The following LMF1 variants were observed in gnomAD, a reference collection of about 807,000 sequenced individuals.
The protein encoded by LMF1 is transmembrane protein 112.
Under a neutral mutation model 60.6 loss-of-function variants are expected in LMF1, and 68 were observed. The observed-to-expected ratio is 1.12, with a 90% CI of 0.92 to 1.37. The LOEUF is 1.37. Ranked by LOEUF, LMF1 falls within the 40% of genes most tolerant of loss-of-function variation. The probability of loss-of-function intolerance (pLI) is 0.00; values close to 1 mark genes in which losing one functional copy is unlikely to be tolerated. For synonymous variants in LMF1, 418 were observed against 324.7 expected, an observed-to-expected ratio of 1.29 and a Z score of -3.09; for missense variants, 948 against 767.2, an observed-to-expected ratio of 1.24 and a Z score of -2.78.
At chr16:923,971 C>T (rs1450296141) in intron 3 of LMF1, among the ~76,000 whole-genome samples, 3 of 152,122 alleles carry the variant, frequency 2.0e-5, no homozygotes, top group Admixed American at 6.5e-5. Context: ...AGATGAAAAA[C>T]GAAGCCAATC....
chr16:911,534 G>T (rs906766462), intron 3 of LMF1, among the ~76,000 whole-genome samples: 2 of 109,584 alleles, frequency 1.8e-5, no homozygotes, highest in African/African-American at 4.1e-5. Flanking sequence ...AGGCAGCACT[G>T]GGGGGGCAGC....
chr16:911,010 C>G lies in LMF1; in HGVS notation c.584G>C (p.Arg195Thr). Residue 195 changes from arginine (R) to threonine (T), a missense_variant, in exon 4 of 11, where the codon AGG becomes ACG. Physicochemically the swap from Arg to Thr is moderately conservative, Grantham distance 71. Coordinates refer to ENST00000262301, the MANE Select transcript of LMF1 (RefSeq NM_022773.4). The stretch of plus-strand genomic sequence containing the variant: ...GGATGTGGGGGTATGCTGGGGCAGC[C>G]TTGACAGCGTCCACAGAGGGCACAG... ...IFLCPLWTLS[R>T]LPQHTPTSRI... 1 of 1,613,094 alleles carries G rather than the reference C, an allele frequency of 6.2e-7. No individual in the cohort carries two copies. Among genetic ancestry groups the G allele is most frequent in the South Asian group, 1.1e-5 (1 of 91,080 alleles).
chr16:879,471 T>C, intron 6 of LMF1, 99 bp downstream of exon 6: 1 of 1,383,046 alleles, frequency 7.2e-7, no homozygotes, highest in South Asian at 1.4e-5. Context: ...AGGGGGCCTG[T>C]AATGCCCCAG....
intron 4 of LMF1, 199 bp from the exon 5 acceptor site, chr16:893,271 G>A (rs2070544901): frequency 1.5e-6 from 1 of 676,802 alleles, no homozygotes. Context: ...GCTGCTTTGA[G>A]GACAGGAGTT....
chr16:955,351 G>A lies in LMF1; in HGVS notation c.194-685C>T, dbSNP rs118177869. On this transcript the variant is annotated intron_variant, in intron 1 of 10. Coordinates refer to ENST00000262301, the MANE Select transcript of LMF1 (RefSeq NM_022773.4). ...CACACACACACATCTAAGTGAACCC[G>A]ACCCGTTACATAAAATGCGTGCCCG... 5.3e-3 allele frequency among the ~76,000 whole-genome samples: 785 copies of A among 147,308 alleles called. 16 individuals carry two copies. The highest frequency in any genetic ancestry group is 0.044 in the South Asian group (186 of 4,218).
chr16:870,037 A>G lies in LMF1; in HGVS notation c.1262T>C (p.Leu421Pro). The change falls in exon 9 of 11, where the codon CTG becomes CCG. Residue 421 changes from leucine (L) to proline (P), a missense_variant. Leu to Pro is a moderately conservative substitution (Grantham distance 98, BLOSUM62 -3). Transcript: ENST00000262301. Reference sequence around the variant, plus strand: ...GGCGTTGGAGCTGGCTGTGCCCTGCAGGATCACCTCCGCCCGCTCCTTGGT... The same window carrying G: ...GGCGTTGGAGCTGGCTGTGCCCTGCGGGATCACCTCCGCCCGCTCCTTGGT... ...SITKERAEVI[L>P]QGTASSNASA... 6.2e-7 allele frequency: 1 copy of G among 1,611,752 alleles called. No individual in the cohort carries two copies. The highest frequency in any genetic ancestry group is 1.7e-5 in the Admixed American group (1 of 60,000).
intron 2 of LMF1, among the ~76,000 whole-genome samples, chr16:953,224 A>G (rs1597066078): frequency 1.1e-5 from 1 of 90,596 alleles, no homozygotes; most frequent in Non-Finnish European, 2.3e-5. Context: ...CCCACCCCAA[A>G]CCAGCCTCCT....
chr16:922,584 A>G (rs113140988), intron 3 of LMF1, among the ~76,000 whole-genome samples: 35 of 142,768 alleles, frequency 2.5e-4, no homozygotes, highest in East Asian at 1.5e-3. Context: ...CCTGTCTGAA[A>G]GTCGCCTCGG....
chr16:880,982 C>T (rs1376675935), intron 5 of LMF1, among the ~76,000 whole-genome samples: 3 of 152,204 alleles, frequency 2.0e-5, no homozygotes, highest in Non-Finnish European at 4.4e-5. Context: ...CGCAGAAACC[C>T]CACTAGGGAC....
intron 5 of LMF1, among the ~76,000 whole-genome samples, chr16:883,620 G>T (rs905400747): frequency 6.6e-6 from 1 of 152,174 alleles, no homozygotes; most frequent in Admixed American, 6.5e-5. Flanking sequence ...CTCAGCACTC[G>T]TACCCGTGTA....
At chr16:909,774 C>T (rs760561) in intron 4 of LMF1, among the ~76,000 whole-genome samples, 41,620 of 152,212 alleles carry the variant, frequency 0.27, 7,143 homozygotes, top group African/African-American at 0.47. Flanking sequence ...CCCCTGCCTG[C>T]GGCATGACCT....
intron 10 of LMF1, among the ~76,000 whole-genome samples, chr16:858,770 G>C (rs1303084370): frequency 9.4e-6 from 1 of 106,678 alleles, no homozygotes. Flanking sequence ...TCACGGGACG[G>C]GTGTGCAGTG....
chr16:897,416 A>G lies in LMF1; in HGVS notation c.664-4344T>C, dbSNP rs980628036. On this transcript the variant is annotated intron_variant, in intron 4 of 10. Coordinates refer to ENST00000262301, the MANE Select transcript of LMF1 (RefSeq NM_022773.4). This position sits in a 1 kb window ranked among gnomAD's most constrained non-coding sequence, Gnocchi z 4.3. ...TGGTGTTTGAGGAGGGGGCGCCGCCAGGCCTCCCTCCGAGCCACAACCTCC... is the reference window on the plus strand; with the variant it reads ...TGGTGTTTGAGGAGGGGGCGCCGCCGGGCCTCCCTCCGAGCCACAACCTCC... 6.6e-6 allele frequency among the ~76,000 whole-genome samples: 1 copy of G among 152,050 alleles called. No individual in the cohort carries two copies. Among genetic ancestry groups the G allele is most frequent in the African/African-American group, 2.4e-5 (1 of 41,384 alleles).
rs112023297 is a variant in LMF1, at chr16:976,277, G to A, written c.-135+4868C>T. ...GGGGCTGGGGTCCCTGGATCTAGGG[G>A]ATGAGGGCCCAGAACGAGGCTGGGG... On this transcript the variant is annotated intron_variant, in intron 1 of 6. Transcript: ENST00000570014. 2.9e-3 allele frequency: 1,297 copies of A among 449,880 alleles called. 21 individuals are homozygous for A. Among genetic ancestry groups the A allele is most frequent in the African/African-American group, 0.023 (1,168 of 49,990 alleles). The allele number at this position is 449,880 out of a possible 1,614,324, so 27.9% of individuals were successfully genotyped here.
intron 2 of LMF1, among the ~76,000 whole-genome samples, chr16:944,905 T>C (rs959006576): frequency 2.2e-5 from 3 of 134,430 alleles, no homozygotes; most frequent in African/African-American, 9.6e-5. Flanking sequence ...GAAATACATA[T>C]CTCTTGTTAG....
chr16:976,047 A>G (rs1002325291), intron 1 of LMF1: 6 of 453,868 alleles, frequency 1.3e-5, no homozygotes, highest in African/African-American at 1.2e-4. Flanking sequence ...TTGAGCTTGG[A>G]AGGACGGACA....
chr16:934,174 G>A (rs1428170651), intron 3 of LMF1, 70 bp downstream of exon 3: 2 of 1,598,620 alleles, frequency 1.3e-6, no homozygotes, highest in Middle Eastern at 1.7e-4. Flanking sequence ...CAGGAAAAGT[G>A]CGTGAAGATA....
At chr16:876,225 G>C (rs537388962) in intron 6 of LMF1, among the ~76,000 whole-genome samples, 1 of 152,258 alleles carries the variant, frequency 6.6e-6, no homozygotes. Flanking sequence ...AGGTGCAGGA[G>C]CCCACGCGCG....
chr16:861,091 C>G (rs1302947223), intron 10 of LMF1, among the ~76,000 whole-genome samples: 1 of 152,086 alleles, frequency 6.6e-6, no homozygotes, highest in Non-Finnish European at 1.5e-5. Context: ...GTTGTTGTAT[C>G]TTCCAACCCA....
Sources: allele counts gnomAD v4.1 joint callset (sites outside exome capture counted in the v4.1 genomes callset), GRCh38; gene constraint gnomAD v4.1.1; non-coding constraint Gnocchi (gnomAD v3.1); transcripts MANE v1.5; gene names NCBI Gene and HGNC (gene_info 2026-07-23, HGNC 2026-07-21).